The following ODAD4 variants were observed in gnomAD, a reference collection of about 807,000 sequenced individuals.
ODAD4 encodes the protein outer dynein arm-docking complex subunit 4.
Under a neutral mutation model 51.8 loss-of-function variants are expected in ODAD4, and 49 were observed. The observed-to-expected ratio is 0.95, with a 90% CI of 0.75 to 1.20. ODAD4 has a LOEUF of 1.20. Among genes scored for constraint, ODAD4 ranks in the 50% most tolerant of loss-of-function variants. ODAD4 has a pLI of 0.00. For synonymous variants in ODAD4, 235 were observed against 221.3 expected (o/e 1.06, Z -0.55); for missense variants, 590 against 586.5 (o/e 1.01, Z -0.06).
At chr17:41,931,346 A>G (rs1207237692) in intron 1 of ODAD4, among the ~76,000 whole-genome samples, 1 of 151,924 alleles carries the variant, frequency 6.6e-6, no homozygotes, top group Non-Finnish European at 1.5e-5. Context: ...CCCACTTGCA[A>G]TCTCCATTCT....
chr17:41,934,703 T>G (rs1256708597), intron 1 of ODAD4, among the ~76,000 whole-genome samples: 3 of 152,180 alleles, frequency 2.0e-5, no homozygotes, highest in African/African-American at 7.2e-5. Context: ...AGTTCTTGAT[T>G]AGCTACATAA....
chr17:41,946,920 G>A (rs1402494650), intron 8 of ODAD4, among the ~76,000 whole-genome samples: 3 of 151,050 alleles, frequency 2.0e-5, no homozygotes, highest in Non-Finnish European at 4.4e-5. Context: ...GCGTGATCTC[G>A]GCTCACTGCA....
intron 3 of ODAD4, 102 bp from the exon 4 acceptor site, chr17:41,936,371 C>T (rs2050426632): frequency 2.4e-6 from 2 of 832,464 alleles, no homozygotes; most frequent in Admixed American, 4.1e-5. Context: ...GCCACAGCCT[C>T]CACCATCCCC....
chr17:41,955,618 G>A (rs1308954361), intron 10 of ODAD4, among the ~76,000 whole-genome samples: 1 of 152,100 alleles, frequency 6.6e-6, no homozygotes, highest in Non-Finnish European at 1.5e-5. Context: ...AGTAGAGACA[G>A]GGTTTCACTG....
chr17:41,930,631 G>A lies in ODAD4; in HGVS notation c.-93G>A. On this transcript the variant is annotated 5_prime_UTR_variant, in exon 1 of 12. It removes an upstream start codon present in the reference 5' UTR. Transcript: ENST00000377540. ...AACCGGAAGTCGCTGTACATCTCAT[G>A]GTTGCTAAGAAACGGAGCTTCCACA... 2.4e-6 allele frequency: 2 copies of A among 838,782 alleles called. No individual in the cohort carries two copies. The highest frequency in any genetic ancestry group is 3.9e-6 in the Non-Finnish European group (2 of 518,890). The allele number at this position is 838,782 out of a possible 1,614,324, so 52.0% of individuals were successfully genotyped here.
At chr17:41,963,900 C>CT (rs1235561081) in intron 11 of ODAD4, among the ~76,000 whole-genome samples, 1,794 of 121,042 alleles carry the variant, frequency 0.015, 48 homozygotes, top group African/African-American at 0.038. Context: ...GCCACTGTGC[C>CT]TTTTTTTTTT....
intron 3 of ODAD4, among the ~76,000 whole-genome samples, chr17:41,936,134 G>A (rs1029088021): frequency 2.6e-5 from 4 of 152,212 alleles, no homozygotes; most frequent in African/African-American, 7.2e-5. Flanking sequence ...GCTGGCCTTA[G>A]CCATCAGCAT....
rs575676343 is a variant in ODAD4 at position 41,933,851 on chromosome 17, C to T, written c.115-1366C>T. Among the ~76,000 whole-genome samples, 6 of 151,838 alleles carry T rather than the reference C, an allele frequency of 4.0e-5. No homozygotes were observed. The South Asian group carries it at 1.0e-3, about 26-fold the overall frequency. Reference sequence around the variant, plus strand: ...GGGGGGTGGGTACAGTTAGATGCCTCAGGAAGGACAGTACACCACAGACTA... The same window carrying T: ...GGGGGGTGGGTACAGTTAGATGCCTTAGGAAGGACAGTACACCACAGACTA... On this transcript the variant is annotated intron_variant, in intron 1 of 11. Transcript: ENST00000377540.
At chr17:41,957,772 T>C (rs1211394461) in intron 10 of ODAD4, among the ~76,000 whole-genome samples, 2 of 152,100 alleles carry the variant, frequency 1.3e-5, no homozygotes, top group East Asian at 3.9e-4. Flanking sequence ...CCTGTCTTCC[T>C]AAACAGGCTT....
intron 7 of ODAD4, among the ~76,000 whole-genome samples, chr17:41,943,026 G>A (rs903442000): frequency 1.3e-5 from 2 of 151,970 alleles, no homozygotes; most frequent in Admixed American, 6.6e-5. Context: ...TTGTGCCCGC[G>A]TTTTGTTTTT....
chr17:41,946,572 G>A (rs1939591295), intron 8 of ODAD4, among the ~76,000 whole-genome samples: 1 of 152,174 alleles, frequency 6.6e-6, no homozygotes, highest in Non-Finnish European at 1.5e-5. Context: ...TGATTCACCC[G>A]CCATGGCGTC....
At chr17:41,961,331 T>C (rs1226907807) in intron 10 of ODAD4, 51 bp from the exon 11 acceptor site, 1 of 714,704 alleles carries the variant, frequency 1.4e-6, no homozygotes, top group African/African-American at 1.8e-5. Context: ...TGGGGAAAAT[T>C]AATGGTGTAG....
chr17:41,954,474 C>T (rs1300174323), intron 9 of ODAD4, among the ~76,000 whole-genome samples: 3 of 152,028 alleles, frequency 2.0e-5, no homozygotes, highest in Non-Finnish European at 4.4e-5. Flanking sequence ...AGCTGAGGTT[C>T]CAGCAGCTGG....
At position 41,936,756 on chromosome 17, in the gene ODAD4, T is replaced by C; in HGVS notation, c.460-6T>C. 1 of 1,613,788 alleles carries C rather than the reference T, an allele frequency of 6.2e-7. No individual in the cohort carries two copies. Among genetic ancestry groups the C allele is most frequent in the Non-Finnish European group, 8.5e-7 (1 of 1,179,796 alleles). Reference sequence around the variant, plus strand: ...AGCTCTGTTGGGTGTTGCTCCATTTTCTCAGAATATAAAAGCCCAGCAGAA... The same window carrying C: ...AGCTCTGTTGGGTGTTGCTCCATTTCCTCAGAATATAAAAGCCCAGCAGAA... On this transcript the variant is annotated splice_polypyrimidine_tract_variant and splice_region_variant and intron_variant, in intron 4 of 11. Transcript: ENST00000377540.
At chr17:41,955,506 C>T (rs1392487040) in intron 10 of ODAD4, among the ~76,000 whole-genome samples, 189 bp downstream of exon 10, 1 of 152,134 alleles carries the variant, frequency 6.6e-6, no homozygotes, top group Non-Finnish European at 1.5e-5. Flanking sequence ...CGGCTCACTG[C>T]AAGCTCCGCT....
chr17:41,934,900 T>C (rs994786543), intron 1 of ODAD4, among the ~76,000 whole-genome samples: 1 of 152,198 alleles, frequency 6.6e-6, no homozygotes, highest in East Asian at 1.9e-4. Flanking sequence ...TCTCAGACAT[T>C]GGTGGAAAGT....
At chr17:41,933,704 C>T (rs1555637300) in intron 1 of ODAD4, among the ~76,000 whole-genome samples, 2 of 151,586 alleles carry the variant, frequency 1.3e-5, no homozygotes, top group Non-Finnish European at 2.9e-5. Context: ...GTCCCAGGTA[C>T]TCGGGAGGCT....
intron 7 of ODAD4, among the ~76,000 whole-genome samples, chr17:41,944,438 ACACACACCCC>A (rs1567933130): frequency 5.0e-4 from 2 of 3,976 alleles, no homozygotes; most frequent in African/African-American, 1.2e-3. Context: ...ACACACACAC[ACACACACCCC>A]CCCGCATACA....
intron 11 of ODAD4, among the ~76,000 whole-genome samples, chr17:41,964,024 G>A (rs148682446): frequency 1.3e-5 from 2 of 151,706 alleles, no homozygotes; most frequent in Non-Finnish European, 2.9e-5. Flanking sequence ...AGCCTCCTGA[G>A]TAGCTGGGAC....
Sources: gnomAD v4.1 joint callset for allele counts (sites outside exome capture counted in the v4.1 genomes callset) on GRCh38, gnomAD v4.1.1 for gene constraint, MANE v1.5 for transcripts, NCBI Gene and HGNC (gene_info 2026-07-23, HGNC 2026-07-21) for gene names.